UNC5B: variants seen among roughly 807,000 people sequenced by gnomAD.
UNC5B encodes the protein netrin receptor UNC5B.
A neutral mutation model predicts 103.7 loss-of-function variants in UNC5B; 56 were observed. The ratio of observed to expected loss-of-function variants is 0.54; its 90% CI spans 0.44 to 0.67. UNC5B has a LOEUF of 0.67. Among genes scored for constraint, UNC5B ranks in the 30% least tolerant of loss-of-function variants. The pLI is 0.00. For missense variants in UNC5B, 1,194 were observed against 1,284.5 expected (o/e 0.93, Z 1.08); for synonymous variants, 577 against 542.0 (o/e 1.06, Z -0.90).
intron 15 of UNC5B, among the ~76,000 whole-genome samples, chr10:71,297,025 CAGCACTG>C (rs1845457361): frequency 7.1e-6 from 1 of 141,488 alleles, no homozygotes; most frequent in African/African-American, 2.6e-5. Context: ...TCCGGCTGCA[CAGCACTG>C]TGGCATAGGT....
In UNC5B at chr10:71,302,499, G is replaced by GC. The variant is rs1845603646; in HGVS notation, c.*3227dup. 2 of 151,806 alleles carry GC rather than the reference G, an allele frequency of 1.3e-5. No individual in the cohort carries two copies. The highest frequency in any genetic ancestry group is 2.9e-5 in the Non-Finnish European group (2 of 68,148). The allele number at this position is 151,806 out of a possible 1,614,324, so 9.4% of individuals were successfully genotyped here. On this transcript the variant is annotated 3_prime_UTR_variant, in exon 17 of 17. Transcript: ENST00000335350. The stretch of plus-strand genomic sequence containing the variant: ...CTCTCCCTCTGCCTTCTCTCACAGT[G>GC]CCCCCGGCTCCAGAGCTCAGGGGTA...
chr10:71,279,356 G>A (rs1455071341), intron 1 of UNC5B, among the ~76,000 whole-genome samples: 1 of 152,220 alleles, frequency 6.6e-6, no homozygotes, highest in African/African-American at 2.4e-5. Context: ...GCAAAGGGCA[G>A]CTGTGACTCC....
At chr10:71,220,904 G>A (rs558959377) in intron 1 of UNC5B, among the ~76,000 whole-genome samples, 15 of 152,342 alleles carry the variant, frequency 9.8e-5, no homozygotes, top group Non-Finnish European at 2.2e-4. Flanking sequence ...CTAGGCAAGT[G>A]CCTTTCCCTC....
chr10:71,269,445 C>T (rs1215927067), intron 1 of UNC5B, among the ~76,000 whole-genome samples: 1 of 151,626 alleles, frequency 6.6e-6, no homozygotes, highest in Non-Finnish European at 1.5e-5. Flanking sequence ...ACCACACCCT[C>T]TCTGGTCTCC....
At position 71,258,448 on chromosome 10, in the gene UNC5B, C is replaced by G. The variant is rs1166198094; in HGVS notation, c.80-21373C>G. 2.0e-5 allele frequency among the ~76,000 whole-genome samples: 3 copies of G among 152,134 alleles called. No individual in the cohort carries two copies. In the East Asian group the frequency reaches 5.8e-4, roughly 29 times the overall value. On this transcript the variant is annotated intron_variant, in intron 1 of 16. Transcript: ENST00000335350. ...CAGCCATTTTTGTTTCTTGAGGGTC[C>G]CAAGACCACCCATTCCTCCTCCAAG...
chr10:71,264,932 G>A (rs569966298), intron 1 of UNC5B, among the ~76,000 whole-genome samples: 132 of 147,970 alleles, frequency 8.9e-4, no homozygotes, highest in Middle Eastern at 3.5e-3. Context: ...CCAGGAGTTT[G>A]GGACCAGCCT....
At chr10:71,276,904 G>A (rs1844785229) in intron 1 of UNC5B, among the ~76,000 whole-genome samples, 1 of 152,160 alleles carries the variant, frequency 6.6e-6, no homozygotes, top group Admixed American at 6.5e-5. Flanking sequence ...GAGGGCAACA[G>A]CTACATCAAG....
At chr10:71,235,734 C>T (rs1263798573) in intron 1 of UNC5B, among the ~76,000 whole-genome samples, 5 of 152,210 alleles carry the variant, frequency 3.3e-5, no homozygotes, top group Admixed American at 1.3e-4. Flanking sequence ...TTGGCCTCAA[C>T]CTGAAAAGGA....
chr10:71,257,014 TA>T (rs1181055706), intron 1 of UNC5B, among the ~76,000 whole-genome samples: 1 of 151,974 alleles, frequency 6.6e-6, no homozygotes, highest in African/African-American at 2.4e-5. Flanking sequence ...AAGAGGATGC[TA>T]AGGAGGAGGC....
chr10:71,227,641 C>T (rs60686771), intron 1 of UNC5B, among the ~76,000 whole-genome samples: 4,156 of 136,692 alleles, frequency 0.03, 110 homozygotes, highest in East Asian at 0.11. Context: ...TATATATACA[C>T]ATATACATAT....
intron 1 of UNC5B, among the ~76,000 whole-genome samples, chr10:71,248,207 C>G (rs1198181290): frequency 6.6e-6 from 1 of 152,124 alleles, no homozygotes; most frequent in Non-Finnish European, 1.5e-5. Flanking sequence ...TGGGTCCTGT[C>G]TCTGAGGAGC....
At chr10:71,224,342 G>T (rs565905962) in intron 1 of UNC5B, among the ~76,000 whole-genome samples, 2 of 125,948 alleles carry the variant, frequency 1.6e-5, no homozygotes, top group African/African-American at 6.4e-5. Context: ...TTTCCTCCTG[G>T]TCCATCCCAC....
intron 13 of UNC5B, 24 bp downstream of exon 13, chr10:71,293,957 C>T (rs996244804): frequency 1.9e-6 from 3 of 1,564,122 alleles, no homozygotes; most frequent in Non-Finnish European, 1.7e-6. Flanking sequence ...CAGGTGCCCA[C>T]ACAGCCCTGG....
rs542098916 is a variant in UNC5B at position 71,291,635 on chromosome 10, G to T, written c.1498G>T (p.Ala500Ser). 2 of 1,613,926 alleles carry T rather than the reference G, an allele frequency of 1.2e-6. No individual in the cohort carries two copies. Among genetic ancestry groups the T allele is most frequent in the Non-Finnish European group, 1.7e-6 (2 of 1,180,044 alleles). Residue 500 changes from alanine to serine, a missense_variant, in exon 10 of 17, where the codon GCT (alanine) becomes TCT (serine). Ala to Ser is a moderately conservative substitution (Grantham distance 99, BLOSUM62 1). Transcript: ENST00000335350. ...TGSGPGLADGADLLGVLPPGT... is the reference protein window; with the variant it reads ...TGSGPGLADGSDLLGVLPPGT... The stretch of plus-strand genomic sequence containing the variant: ...CTCTGGGCCAGGCCTGGCAGATGGG[G>T]CTGACCTGCTGGGGGTCTTGCCGCC...
chr10:71,212,750 A>G lies in UNC5B; in HGVS notation c.-236A>G, dbSNP rs1843252146. Reference sequence around the variant, plus strand: ...CGAGCGCTCAGAGACCCGGAGCCAGAGGGGCGCGCCGGAGCCTCGTTCGAG... The same window carrying G: ...CGAGCGCTCAGAGACCCGGAGCCAGGGGGGCGCGCCGGAGCCTCGTTCGAG... On this transcript the variant is annotated 5_prime_UTR_variant, in exon 1 of 17. Transcript: ENST00000335350. The G allele has an allele frequency of 5.8e-6, 2 of 346,336 alleles. No individual in the cohort carries two copies. The highest frequency in any genetic ancestry group is 8.7e-5 in the East Asian group (2 of 23,020). The allele number at this position is 346,336 out of a possible 1,614,324, so 21.5% of individuals were successfully genotyped here.
At chr10:71,289,093 T>TAGGC in intron 8 of UNC5B, 103 bp downstream of exon 8, 2 of 1,512,700 alleles carry the variant, frequency 1.3e-6, no homozygotes, top group Non-Finnish European at 1.8e-6. Flanking sequence ...GAGCTGAAGG[T>TAGGC]GCCTACCCAC....
At chr10:71,268,639 C>A (rs558361171) in intron 1 of UNC5B, among the ~76,000 whole-genome samples, 1 of 152,320 alleles carries the variant, frequency 6.6e-6, no homozygotes, top group Admixed American at 6.5e-5. Context: ...AGTTGCCTCC[C>A]CTTTGCGAGG....
rs1016955366 is a variant in UNC5B at position 71,286,537 on chromosome 10, C to T, written c.553-152C>T. 8.9e-6 allele frequency: 9 copies of T among 1,007,402 alleles called. No individual in the cohort carries two copies. In the African/African-American group the frequency reaches 1.5e-4, roughly 16 times the overall value. 62.4% of individuals were successfully genotyped at this position (1,007,402 alleles called of 1,614,324 possible). On this transcript the variant is annotated intron_variant, in intron 4 of 16. Transcript: ENST00000335350. Reference sequence around the variant, plus strand: ...CCAGCTGGCAAATGGTGCTCTTAACCCCAGAGCTGTACAGTGTCCAGTGCT... The same window carrying T: ...CCAGCTGGCAAATGGTGCTCTTAACTCCAGAGCTGTACAGTGTCCAGTGCT...
intron 1 of UNC5B, among the ~76,000 whole-genome samples, chr10:71,246,553 T>C (rs1589163155): frequency 6.6e-6 from 1 of 151,912 alleles, no homozygotes; most frequent in Non-Finnish European, 1.5e-5. Flanking sequence ...GGTACAGGAT[T>C]GGTGAGTGAC....
Sources: allele counts gnomAD v4.1 joint callset (sites outside exome capture counted in the v4.1 genomes callset), GRCh38; gene constraint gnomAD v4.1.1; transcripts MANE v1.5; gene names NCBI Gene and HGNC (gene_info 2026-07-23, HGNC 2026-07-21).